The following DYSF variants were observed in gnomAD, a reference collection of about 807,000 sequenced individuals.
DYSF encodes dysferlin.
Under a neutral mutation model 274.9 loss-of-function variants are expected in DYSF, and 212 were observed. That is an observed-to-expected ratio of 0.77 (90% CI 0.69 to 0.86). The LOEUF is 0.86. Ranked by LOEUF, DYSF falls within the 40% of genes least tolerant of loss-of-function variation. The probability of loss-of-function intolerance (pLI) is 0.00; values close to 1 mark genes in which losing one functional copy is unlikely to be tolerated. For missense variants in DYSF, 2,666 were observed against 2,783.2 expected (o/e 0.96, Z 0.95); for synonymous variants, 1,091 against 1,078.7 (o/e 1.01, Z -0.22).
chr2:71,483,545 G>A (rs62143769), intron 3 of DYSF, among the ~76,000 whole-genome samples: 54,016 of 152,060 alleles, frequency 0.36, 11,717 homozygotes, highest in Non-Finnish European at 0.49. Flanking sequence ...CTCACGACAC[G>A]TGCGGCCCTG....
At chr2:71,657,597 T>C (rs909247628) in intron 43 of DYSF, among the ~76,000 whole-genome samples, 3 of 152,164 alleles carry the variant, frequency 2.0e-5, no homozygotes, top group African/African-American at 7.2e-5. Context: ...TTTCCATACC[T>C]CTTCTGAAAT....
At chr2:71,525,242 C>CG (rs932982558) in intron 12 of DYSF, among the ~76,000 whole-genome samples, 11 of 150,122 alleles carry the variant, frequency 7.3e-5, no homozygotes, top group East Asian at 2.0e-4. Context: ...ATGGTGGGGG[C>CG]GGGGGGCGGT....
chr2:71,457,184 A>C (rs1007752959), intron 1 of DYSF, among the ~76,000 whole-genome samples: 9 of 152,212 alleles, frequency 5.9e-5, no homozygotes, highest in African/African-American at 2.2e-4. Context: ...TCTAACTAGA[A>C]CATTAATAGA....
At chr2:71,641,014 G>GA (rs1251472102) in intron 41 of DYSF, among the ~76,000 whole-genome samples, 3 of 151,800 alleles carry the variant, frequency 2.0e-5, no homozygotes, top group African/African-American at 7.3e-5. Flanking sequence ...TATTTTCCTA[G>GA]AAAATCATTC....
At chr2:71,543,037 G>A (rs1419175190) in intron 17 of DYSF, among the ~76,000 whole-genome samples, 3 of 151,758 alleles carry the variant, frequency 2.0e-5, no homozygotes, top group East Asian at 2.0e-4. Flanking sequence ...GTGGCTGGCC[G>A]GGCGGGGGCT....
intron 17 of DYSF, among the ~76,000 whole-genome samples, chr2:71,546,387 A>G (rs761095601): frequency 7.9e-5 from 12 of 152,218 alleles, no homozygotes; most frequent in Non-Finnish European, 8.8e-5. Context: ...GGTTCACCAG[A>G]TGATTTGGTT....
intron 17 of DYSF, among the ~76,000 whole-genome samples, chr2:71,543,002 G>GC (rs71402993): frequency 6.7e-5 from 10 of 150,016 alleles, no homozygotes; most frequent in African/African-American, 2.2e-4. Flanking sequence ...GACGGGGGCT[G>GC]CCCCCCACCT....
At chr2:71,660,805 G>A (rs1047211594) in intron 45 of DYSF, among the ~76,000 whole-genome samples, 154 bp downstream of exon 45, 3 of 152,294 alleles carry the variant, frequency 2.0e-5, no homozygotes, top group Non-Finnish European at 4.4e-5. Context: ...CATAGCCTCA[G>A]TTAGCCCTTC....
At chr2:71,589,991 C>T (rs2093209056) in intron 31 of DYSF, among the ~76,000 whole-genome samples, 1 of 152,174 alleles carries the variant, frequency 6.6e-6, no homozygotes, top group African/African-American at 2.4e-5. Context: ...ATCTCTTCTC[C>T]CCAGCCCTAG....
chr2:71,520,155 G>A, intron 10 of DYSF, 23 bp from the exon 11 acceptor site: 1 of 1,614,126 alleles, frequency 6.2e-7, no homozygotes, highest in East Asian at 2.2e-5. Flanking sequence ...AGTTTGATTT[G>A]TGTCTCCTCT....
At position 71,679,820 on chromosome 2, in the gene DYSF, C is replaced by T. The variant is rs901668909; in HGVS notation, c.6063+585C>T. Among the ~76,000 whole-genome samples the T allele has an allele frequency of 2.0e-5, 3 of 152,024 alleles. No individual in the cohort carries two copies. In the East Asian group the frequency reaches 5.8e-4, roughly 29 times the overall value. ...TGGTAACAATAAGAAATACTAGTAC[C>T]CCAAAGGAAAAATGAGAAAACGACA... On this transcript the variant is annotated intron_variant, in intron 53 of 55. Coordinates refer to ENST00000410020, the MANE Select transcript of DYSF (RefSeq NM_001130987.2).
chr2:71,553,218 A>G, intron 20 of DYSF, 30 bp downstream of exon 20: 1 of 1,613,476 alleles, frequency 6.2e-7, no homozygotes, highest in South Asian at 1.1e-5. Flanking sequence ...TGGGACCCCG[A>G]TCACAGGATC....
At chr2:71,599,315 C>G (rs546066325) in intron 33 of DYSF, among the ~76,000 whole-genome samples, 1 of 152,132 alleles carries the variant, frequency 6.6e-6, no homozygotes, top group Non-Finnish European at 1.5e-5. Context: ...TCTAGCTGCA[C>G]GAGGCTGCCC....
intron 1 of DYSF, among the ~76,000 whole-genome samples, chr2:71,460,283 G>C (rs1415692780): frequency 3.3e-5 from 5 of 152,196 alleles, no homozygotes; most frequent in African/African-American, 9.7e-5. Context: ...GAGGGGAAAG[G>C]GGGCCGGGGA....
chr2:71,484,075 C>CGAAGTCTT (rs1327514439), intron 3 of DYSF, among the ~76,000 whole-genome samples: 3 of 90,502 alleles, frequency 3.3e-5, no homozygotes, highest in Non-Finnish European at 6.0e-5. Context: ...TTTTTTGAGA[C>CGAAGTCTT]GAAGTCTTGC....
At chr2:71,468,530 G>A (rs1165972447) in intron 1 of DYSF, among the ~76,000 whole-genome samples, 7 of 152,158 alleles carry the variant, frequency 4.6e-5, no homozygotes, top group Admixed American at 6.5e-5. Context: ...CCCCGAACAC[G>A]TGCAGCTGCT....
intron 29 of DYSF, among the ~76,000 whole-genome samples, chr2:71,572,992 C>T (rs1374510407): frequency 1.3e-5 from 2 of 152,170 alleles, no homozygotes; most frequent in Non-Finnish European, 2.9e-5. Context: ...GCACTTGCTC[C>T]GGGGTCACAC....
chr2:71,539,928 G>T (rs10174750), intron 17 of DYSF, among the ~76,000 whole-genome samples: 2,823 of 152,228 alleles, frequency 0.019, 89 homozygotes, highest in African/African-American at 0.064. Flanking sequence ...TTATGTGAAT[G>T]TATCATGATC....
At chr2:71,463,933 G>A (rs75252201), upstream of DYSF, among the ~76,000 whole-genome samples, 5,133 of 152,252 alleles carry the variant, frequency 0.034, 167 homozygotes, top group African/African-American at 0.082. Flanking sequence ...GGAATCAAAT[G>A]TCCGCCTCAT....
Sources: allele counts gnomAD v4.1 joint callset (sites outside exome capture counted in the v4.1 genomes callset), GRCh38; gene constraint gnomAD v4.1.1; transcripts MANE v1.5; gene names NCBI Gene and HGNC (gene_info 2026-07-23, HGNC 2026-07-21).